SPATA13: variants seen among roughly 807,000 people sequenced by gnomAD.
SPATA13 encodes spermatogenesis-associated protein 13.
In SPATA13, 50 loss-of-function variants were observed where a neutral mutation model predicts 104.0. That is an observed-to-expected ratio of 0.48 (90% confidence interval 0.38 to 0.61). The LOEUF is 0.61. SPATA13 is among the 20% of genes least tolerant of loss of function. The pLI, the probability that SPATA13 is intolerant of heterozygous loss-of-function variation, is 0.00. For missense variants in SPATA13, 1,524 were observed against 1,690.6 expected, an observed-to-expected ratio of 0.90 and a Z score of 1.73; for synonymous variants, 606 against 667.5, an observed-to-expected ratio of 0.91 and a Z score of 1.42.
intron 1 of SPATA13, among the ~76,000 whole-genome samples, chr13:24,204,577 A>G (rs1418961297): frequency 6.6e-6 from 1 of 152,184 alleles, no homozygotes; most frequent in East Asian, 1.9e-4. Flanking sequence ...CTGAATGTCC[A>G]TACTCATTAA....
intron 2 of SPATA13, among the ~76,000 whole-genome samples, chr13:23,997,345 C>T (rs2137667659): frequency 6.6e-6 from 1 of 152,284 alleles, no homozygotes; most frequent in East Asian, 1.9e-4. Context: ...TGTGATCCGA[C>T]CGTCCCCATA....
intron 3 of SPATA13, among the ~76,000 whole-genome samples, chr13:24,060,328 A>T (rs1878728825): frequency 6.6e-6 from 1 of 152,230 alleles, no homozygotes; most frequent in South Asian, 2.1e-4. Context: ...GAAACAAGCA[A>T]TGGGAAAGAA....
At chr13:24,074,626 G>A (rs1321093989) in intron 3 of SPATA13, among the ~76,000 whole-genome samples, 1 of 110,422 alleles carries the variant, frequency 9.1e-6, no homozygotes, top group East Asian at 2.4e-4. Flanking sequence ...TACCAATGAG[G>A]AGTAAAGTGA....
intron 3 of SPATA13, among the ~76,000 whole-genome samples, chr13:24,130,602 C>G (rs1282834405): frequency 6.6e-6 from 1 of 152,118 alleles, no homozygotes; most frequent in Admixed American, 6.5e-5. Flanking sequence ...TAAAGGTGGC[C>G]AGCTTTATGG....
chr13:24,181,019 C>T (rs1022560653), intron 1 of SPATA13, among the ~76,000 whole-genome samples: 5 of 152,118 alleles, frequency 3.3e-5, no homozygotes, highest in African/African-American at 1.2e-4. Flanking sequence ...ATACTGTAGG[C>T]AGCTGTAACA....
At chr13:24,055,922 G>C (rs375704888) in intron 3 of SPATA13, among the ~76,000 whole-genome samples, 1 of 152,202 alleles carries the variant, frequency 6.6e-6, no homozygotes, top group Non-Finnish European at 1.5e-5. Context: ...TGGCAATGCC[G>C]TGCCTTTTTA....
chr13:24,267,917 A>G (rs1874369610), intron 4 of SPATA13, among the ~76,000 whole-genome samples: 1 of 152,236 alleles, frequency 6.6e-6, no homozygotes, highest in Non-Finnish European at 1.5e-5. Context: ...CTGAATGTGC[A>G]TTTGAATAAC....
chr13:24,176,815 G>A (rs1301904987), intron 1 of SPATA13, among the ~76,000 whole-genome samples: 1 of 152,096 alleles, frequency 6.6e-6, no homozygotes, highest in African/African-American at 2.4e-5. Context: ...TTGAGATGGT[G>A]TCTTGCTGTG....
intron 3 of SPATA13, among the ~76,000 whole-genome samples, chr13:24,050,378 C>G (rs1363086002): frequency 6.6e-6 from 1 of 152,200 alleles, no homozygotes; most frequent in Non-Finnish European, 1.5e-5. Context: ...CCCCGCTTGA[C>G]TCATCCTCAC....
chr13:24,084,820 G>A (rs1164550025), intron 3 of SPATA13, among the ~76,000 whole-genome samples: 1 of 152,106 alleles, frequency 6.6e-6, no homozygotes, highest in East Asian at 1.9e-4. Context: ...CCAGAAGTTC[G>A]AGACCAGCCT....
intron 2 of SPATA13, among the ~76,000 whole-genome samples, chr13:23,998,927 G>GATTTTTTTTTTTTTTTTTTT (rs144157914): frequency 6.9e-6 from 1 of 145,816 alleles, no homozygotes. Context: ...CACTAACTTT[G>GATTTTTTTTTTTTTTTTTTT]GTTTTTTTTT....
intron 3 of SPATA13, among the ~76,000 whole-genome samples, chr13:24,151,531 T>C (rs767744420): frequency 6.6e-6 from 1 of 152,244 alleles, no homozygotes; most frequent in Non-Finnish European, 1.5e-5. Context: ...CCCAGTTATA[T>C]ACATGAAAGT....
rs1491325546 is a variant in SPATA13 at position 24,228,109 on chromosome 13, T to TTTTTTC, written c.1653+3532_1653+3533insCTTTTT. On this transcript the variant is annotated intron_variant, in intron 2 of 12. Coordinates refer to ENST00000382108, the MANE Select transcript of SPATA13 (RefSeq NM_001166271.3). ...ATAGGGTTTCTCCCCTCTTGTACTC[T>TTTTTTC]TTTTTTTTTTTTTTTTTTTTTTGAG... Among the ~76,000 whole-genome samples, 7 of 42,872 alleles carry TTTTTTC rather than the reference T, an allele frequency of 1.6e-4. No homozygotes were observed. The East Asian group carries it at 3.6e-3, about 22-fold the overall frequency. 28.1% of individuals were successfully genotyped at this position (42,872 alleles called of 152,430 possible). A position where few individuals can be genotyped will look rare whatever the true frequency, so the allele number is the denominator to read the frequency against.
intron 3 of SPATA13, among the ~76,000 whole-genome samples, chr13:24,066,454 C>A (rs1212212509): frequency 6.6e-6 from 1 of 152,196 alleles, no homozygotes; most frequent in African/African-American, 2.4e-5. Flanking sequence ...CTTCTTTTCC[C>A]AGCTTCAAGC....
intron 3 of SPATA13, among the ~76,000 whole-genome samples, chr13:24,112,210 A>G (rs1593337187): frequency 6.6e-6 from 1 of 152,284 alleles, no homozygotes; most frequent in East Asian, 1.9e-4. Flanking sequence ...GCCAGACACC[A>G]ATTAAAACAG....
intron 1 of SPATA13, among the ~76,000 whole-genome samples, chr13:24,202,589 C>CTTTT (rs11396232): frequency 9.2e-4 from 114 of 123,836 alleles, no homozygotes; most frequent in African/African-American, 3.4e-3. Flanking sequence ...GTTCCTGTGA[C>CTTTT]TTTTTTTTTT....
At chr13:24,191,901 G>A (rs1261209062) in intron 1 of SPATA13, among the ~76,000 whole-genome samples, 2 of 152,254 alleles carry the variant, frequency 1.3e-5, no homozygotes, top group South Asian at 2.1e-4. Flanking sequence ...AGCTAAAACC[G>A]GGTTCTTGTC....
chr13:24,103,670 T>G (rs1282088571), intron 3 of SPATA13, among the ~76,000 whole-genome samples: 2 of 152,054 alleles, frequency 1.3e-5, no homozygotes, highest in African/African-American at 2.4e-5. Flanking sequence ...ACTAGATGTA[T>G]CTATATGTAT....
chr13:24,273,630 G>T (rs1226337239), intron 4 of SPATA13, among the ~76,000 whole-genome samples: 1 of 152,132 alleles, frequency 6.6e-6, no homozygotes, highest in Non-Finnish European at 1.5e-5. Context: ...TCATAGCTAG[G>T]ATAAGAGTAG....
Sources: gnomAD v4.1 joint callset for allele counts (sites outside exome capture counted in the v4.1 genomes callset) on GRCh38, gnomAD v4.1.1 for gene constraint, MANE v1.5 for transcripts, NCBI Gene and HGNC (gene_info 2026-07-23, HGNC 2026-07-21) for gene names.